Variants in WDR7 observed in about 807,000 individuals in gnomAD.
The protein encoded by WDR7 is WD repeat domain 7.
Under a neutral mutation model 169.4 loss-of-function variants are expected in WDR7, and 46 were observed. That is an observed-to-expected ratio of 0.27 (90% CI 0.21 to 0.35). WDR7 has a LOEUF of 0.35. Among genes scored for constraint, WDR7 ranks in the 10% least tolerant of loss-of-function variants. WDR7 has a pLI of 1.00. For missense variants in WDR7, 1,534 were observed against 1,859.3 expected (o/e 0.83, Z 3.22); for synonymous variants, 612 against 666.8 (o/e 0.92, Z 1.27).
intron 14 of WDR7, among the ~76,000 whole-genome samples, chr18:56,735,385 C>T (rs1446415588): frequency 3.3e-5 from 5 of 152,056 alleles, no homozygotes; most frequent in African/African-American, 4.8e-5. Context: ...TAATAGGAGA[C>T]GTGCATCTTA....
intron 21 of WDR7, among the ~76,000 whole-genome samples, chr18:56,903,255 C>A (rs952816950): frequency 5.9e-5 from 9 of 151,984 alleles, no homozygotes; most frequent in African/African-American, 1.9e-4. Context: ...TCTTTTAATT[C>A]CATGAATGAA....
At chr18:56,844,674 C>T (rs1172128002) in intron 20 of WDR7, among the ~76,000 whole-genome samples, 2 of 152,138 alleles carry the variant, frequency 1.3e-5, no homozygotes, top group Non-Finnish European at 2.9e-5. Flanking sequence ...TCAAACAAGG[C>T]CTTACAAGGC....
At chr18:56,865,608 T>C (rs926320003) in intron 20 of WDR7, among the ~76,000 whole-genome samples, 4 of 152,152 alleles carry the variant, frequency 2.6e-5, no homozygotes, top group Non-Finnish European at 5.9e-5. Flanking sequence ...TATTTTGAAT[T>C]AGTGTTATTG....
At chr18:56,866,908 C>T (rs1368530765) in intron 20 of WDR7, among the ~76,000 whole-genome samples, 14 of 152,132 alleles carry the variant, frequency 9.2e-5, no homozygotes, top group Admixed American at 9.2e-4. Flanking sequence ...ATGAATATCC[C>T]AGTTACACTC....
intron 21 of WDR7, among the ~76,000 whole-genome samples, chr18:56,916,467 A>C (rs112225669): frequency 6.6e-6 from 1 of 152,174 alleles, no homozygotes; most frequent in African/African-American, 2.4e-5. Flanking sequence ...TTATGGCTGC[A>C]TAGTATTCCA....
At chr18:56,806,479 C>T (rs2044775328) in intron 19 of WDR7, among the ~76,000 whole-genome samples, 1 of 152,060 alleles carries the variant, frequency 6.6e-6, no homozygotes, top group Admixed American at 6.6e-5. Flanking sequence ...CATGCATACA[C>T]ACAACCACAT....
intron 19 of WDR7, among the ~76,000 whole-genome samples, chr18:56,812,363 A>C (rs1202667276): frequency 2.0e-5 from 3 of 152,178 alleles, no homozygotes; most frequent in Admixed American, 6.5e-5. Context: ...AGTTTCGATA[A>C]TTCCTCTGTA....
chr18:56,900,704 T>C (rs1473592420), intron 21 of WDR7, among the ~76,000 whole-genome samples: 2 of 152,188 alleles, frequency 1.3e-5, no homozygotes, highest in African/African-American at 4.8e-5. Flanking sequence ...GGCCTACCGC[T>C]GCCTGTGAGT....
chr18:56,937,964 A>G (rs1311985122), intron 23 of WDR7, among the ~76,000 whole-genome samples: 4 of 152,238 alleles, frequency 2.6e-5, no homozygotes, highest in Non-Finnish European at 5.9e-5. Flanking sequence ...GAAGAAACTC[A>G]TAAGGAAGTG....
At chr18:56,993,691 TAGGGA>T (rs151087242) in intron 26 of WDR7, among the ~76,000 whole-genome samples, 39,418 of 151,856 alleles carry the variant, frequency 0.26, 5,959 homozygotes, top group Non-Finnish European at 0.34. Context: ...AGCTTTTGTC[TAGGGA>T]AGATGGTGGG....
At chr18:56,815,991 A>G (rs1400764996) in intron 19 of WDR7, 40 bp from the exon 20 acceptor site, 1 of 1,492,728 alleles carries the variant, frequency 6.7e-7, no homozygotes, top group East Asian at 2.4e-5. Flanking sequence ...TTTACTTTTC[A>G]TTTTTTGAAG....
At chr18:56,988,942 GT>G (rs138307793) in intron 26 of WDR7, among the ~76,000 whole-genome samples, 1 of 151,794 alleles carries the variant, frequency 6.6e-6, no homozygotes, top group Non-Finnish European at 1.5e-5. Flanking sequence ...AATAATTTAT[GT>G]TTTTTTATAT....
At chr18:57,021,669 ATCT>A (rs1344199513) in intron 27 of WDR7, among the ~76,000 whole-genome samples, 1 of 152,190 alleles carries the variant, frequency 6.6e-6, no homozygotes, top group Non-Finnish European at 1.5e-5. Flanking sequence ...TTTCTATCCC[ATCT>A]TCTTTTTAAT....
chr18:56,950,690 G>C (rs1389292153), intron 25 of WDR7, among the ~76,000 whole-genome samples: 1 of 152,100 alleles, frequency 6.6e-6, no homozygotes, highest in Non-Finnish European at 1.5e-5. Context: ...GAAAACTAAG[G>C]CTACGTTTCC....
intron 13 of WDR7, among the ~76,000 whole-genome samples, chr18:56,727,265 A>G (rs1446509315): frequency 1.3e-5 from 2 of 151,430 alleles, no homozygotes; most frequent in East Asian, 3.9e-4. Context: ...GCTAATTTGA[A>G]TTTTCAAAAT....
intron 19 of WDR7, among the ~76,000 whole-genome samples, chr18:56,813,448 T>C (rs2044910174): frequency 6.7e-6 from 1 of 150,306 alleles, no homozygotes; most frequent in African/African-American, 2.5e-5. Context: ...TGTATTCTTA[T>C]TTTCTTAGAG....
chr18:56,715,227 CAG>C (rs1021863260), intron 12 of WDR7, among the ~76,000 whole-genome samples: 16 of 151,852 alleles, frequency 1.1e-4, no homozygotes, highest in African/African-American at 2.4e-4. Context: ...AGATCTTTGA[CAG>C]AGAGAGAGAG....
At chr18:56,769,219 C>CT (rs751577805) in intron 16 of WDR7, among the ~76,000 whole-genome samples, 7,967 of 142,582 alleles carry the variant, frequency 0.056, 432 homozygotes, top group African/African-American at 0.15. Context: ...GGCTTTTCTG[C>CT]TTTTTTTTTT....
chr18:56,979,860 C>T (rs1454006883), intron 26 of WDR7, among the ~76,000 whole-genome samples: 1 of 152,058 alleles, frequency 6.6e-6, no homozygotes, highest in African/African-American at 2.4e-5. Flanking sequence ...GTGAAATTAC[C>T]AAGATATTAG....
Sources: gnomAD v4.1 joint callset for allele counts (sites outside exome capture counted in the v4.1 genomes callset) on GRCh38, gnomAD v4.1.1 for gene constraint, MANE v1.5 for transcripts, NCBI Gene and HGNC (gene_info 2026-07-23, HGNC 2026-07-21) for gene names.